Variants in PLEKHH2 observed in about 807,000 individuals in gnomAD.
The protein encoded by PLEKHH2 is pleckstrin homology, MyTH4 and FERM domain containing H2, also known as pleckstrin homology domain-containing family H member 2.
Under a neutral mutation model 187.9 loss-of-function variants are expected in PLEKHH2, and 129 were observed. The ratio of observed to expected loss-of-function variants is 0.69; its 90% CI spans 0.59 to 0.79. The LOEUF (loss-of-function observed/expected upper bound fraction) is 0.79. Among genes scored for constraint, PLEKHH2 ranks in the 30% least tolerant of loss-of-function variants. The pLI, the probability that PLEKHH2 is intolerant of heterozygous loss-of-function variation, is 0.00. For synonymous variants in PLEKHH2, 686 were observed against 605.6 expected (o/e 1.13, Z -1.95); for missense variants, 2,076 against 1,751.2 (o/e 1.19, Z -3.31).
At chr2:43,645,652 G>A (rs1666147999) in intron 2 of PLEKHH2, among the ~76,000 whole-genome samples, 2 of 152,086 alleles carry the variant, frequency 1.3e-5, no homozygotes, top group African/African-American at 4.8e-5. Flanking sequence ...ATTATATGTT[G>A]AAATGATATT....
rs1292394577 is a variant in PLEKHH2, at chr2:43,766,248, A to G, written c.*650A>G. ...TCACCTTTTCACATCACTGGAGTGT[A>G]AAATTTAAAACAAGATGGTGATTCC... On this transcript the variant is annotated 3_prime_UTR_variant, in exon 30 of 30. Transcript: ENST00000282406. 1.3e-5 allele frequency: 2 copies of G among 152,772 alleles called. No homozygotes were observed. Among genetic ancestry groups the G allele is most frequent in the African/African-American group, 4.8e-5 (2 of 41,450 alleles). 9.5% of individuals were successfully genotyped at this position (152,772 alleles called of 1,614,324 possible). A position where few individuals can be genotyped will look rare whatever the true frequency, so the allele number is the denominator to read the frequency against.
chr2:43,683,022 C>G (rs1047878847), intron 3 of PLEKHH2, among the ~76,000 whole-genome samples: 1 of 151,942 alleles, frequency 6.6e-6, no homozygotes, highest in African/African-American at 2.4e-5. Flanking sequence ...TCACTGCCCT[C>G]GATGTCTCCT....
intron 2 of PLEKHH2, among the ~76,000 whole-genome samples, chr2:43,677,803 A>C: frequency 6.9e-6 from 1 of 145,814 alleles, no homozygotes; most frequent in East Asian, 2.1e-4. Flanking sequence ...CACCTCCCGC[A>C]CCGGGCAGCT....
At chr2:43,658,914 A>C (rs991639928) in intron 2 of PLEKHH2, 5 of 151,414 alleles carry the variant, frequency 3.3e-5, no homozygotes, top group Admixed American at 3.3e-4. Context: ...TGAACCATCT[A>C]TTGAGTTTTT....
chr2:43,733,295 G>C (rs1001339247), intron 19 of PLEKHH2, among the ~76,000 whole-genome samples: 5 of 150,222 alleles, frequency 3.3e-5, no homozygotes, highest in African/African-American at 1.2e-4. Flanking sequence ...CCTAGGAAAT[G>C]GAGGTTGCAC....
At chr2:43,750,814 C>T (rs1671979568) in intron 24 of PLEKHH2, among the ~76,000 whole-genome samples, 1 of 152,172 alleles carries the variant, frequency 6.6e-6, no homozygotes, top group East Asian at 1.9e-4. Flanking sequence ...TGCCATCTAC[C>T]AGTGCCAAGA....
At position 43,765,419 on chromosome 2, in the gene PLEKHH2, G is replaced by C; in HGVS notation, c.4303G>C (p.Glu1435Gln). Residue 1435 changes from glutamate to glutamine, a missense_variant, in exon 30 of 30, where the codon GAA becomes CAA. Glu to Gln is a conservative substitution (Grantham distance 29). Coordinates refer to ENST00000282406, the MANE Select transcript of PLEKHH2 (RefSeq NM_172069.4). ...TCTGTTTTCCTTGTTTTAGATTCTT[G>C]AAATCACTCTTTTGATCGCCAGTTA... ...LFAMAKPKIL[E>Q]ITLLIASYIN... is the part of the protein sequence containing the mutation. 2 of 1,613,852 alleles carry C rather than the reference G, an allele frequency of 1.2e-6. No homozygotes were observed. The highest frequency in any genetic ancestry group is 1.1e-5 in the South Asian group (1 of 91,058).
At chr2:43,694,608 G>A in intron 5 of PLEKHH2, 94 bp downstream of exon 5, 1 of 1,322,908 alleles carries the variant, frequency 7.6e-7, no homozygotes, top group Non-Finnish European at 1.0e-6. Flanking sequence ...GTAAAACAAA[G>A]AATTTTGATC....
At chr2:43,682,941 C>T (rs1347042) in intron 3 of PLEKHH2, among the ~76,000 whole-genome samples, 58,341 of 146,150 alleles carry the variant, frequency 0.4, 11,991 homozygotes, top group East Asian at 0.81. Flanking sequence ...TCCATATATA[C>T]ACACACACAC....
At chr2:43,685,882 A>C (rs1451933172) in intron 3 of PLEKHH2, among the ~76,000 whole-genome samples, 1 of 152,236 alleles carries the variant, frequency 6.6e-6, no homozygotes, top group African/African-American at 2.4e-5. Flanking sequence ...TATGGGATTC[A>C]TTCCCAAGTA....
chr2:43,712,820 T>A (rs752816457), intron 15 of PLEKHH2, among the ~76,000 whole-genome samples: 8 of 152,136 alleles, frequency 5.3e-5, no homozygotes, highest in Admixed American at 4.6e-4. Context: ...AATAAGCATA[T>A]GGAAAAACAT....
chr2:43,676,243 C>G, intron 2 of PLEKHH2: 2 of 1,613,872 alleles, frequency 1.2e-6, no homozygotes, highest in Non-Finnish European at 1.7e-6. Context: ...GTGAATTTGG[C>G]CAAACATAGT....
At chr2:43,675,956 C>T (rs763597084) in intron 2 of PLEKHH2, 28 of 1,613,844 alleles carry the variant, frequency 1.7e-5, no homozygotes, top group Admixed American at 1.3e-4. Flanking sequence ...TATTTGTAAG[C>T]GGTCCTCATC....
At chr2:43,745,788 C>G in intron 23 of PLEKHH2, 78 bp from the exon 24 acceptor site, 2 of 1,029,038 alleles carry the variant, frequency 1.9e-6, no homozygotes, top group Non-Finnish European at 2.8e-6. Flanking sequence ...TGAAAAATTT[C>G]AGTCTGCAGC....
intron 2 of PLEKHH2, among the ~76,000 whole-genome samples, chr2:43,652,232 G>A (rs1432988448): frequency 6.6e-6 from 1 of 152,182 alleles, no homozygotes; most frequent in African/African-American, 2.4e-5. Context: ...GTTTAAGAGA[G>A]AAGGTTTCAA....
chr2:43,740,798 G>T, intron 20 of PLEKHH2, 148 bp from the exon 21 acceptor site: 1 of 1,313,948 alleles, frequency 7.6e-7, no homozygotes, highest in Non-Finnish European at 9.7e-7. Context: ...TTTAACCTAT[G>T]ATAAATGCTG....
intron 23 of PLEKHH2, chr2:43,744,250 A>G: frequency 2.9e-6 from 2 of 700,042 alleles, no homozygotes; most frequent in Non-Finnish European, 3.9e-6. Flanking sequence ...GTATTAGGAT[A>G]ATAAGGGTAG....
intron 2 of PLEKHH2, among the ~76,000 whole-genome samples, chr2:43,652,646 G>T (rs921291525): frequency 2.0e-5 from 3 of 152,152 alleles, no homozygotes; most frequent in African/African-American, 4.8e-5. Context: ...AACACCCAAG[G>T]TTAGGTTTTC....
chr2:43,705,535 GGT>G (rs1304181872), intron 9 of PLEKHH2, among the ~76,000 whole-genome samples: 4 of 152,086 alleles, frequency 2.6e-5, no homozygotes, highest in Non-Finnish European at 5.9e-5. Context: ...TAGGATTACA[GGT>G]GTGAGCCACT....
Sources: gnomAD v4.1 joint callset for allele counts (sites outside exome capture counted in the v4.1 genomes callset) on GRCh38, gnomAD v4.1.1 for gene constraint, MANE v1.5 for transcripts, NCBI Gene and HGNC (gene_info 2026-07-23, HGNC 2026-07-21) for gene names.